Variants in CPEB2 observed in about 807,000 individuals in gnomAD.
CPEB2 encodes the protein cytoplasmic polyadenylation element binding protein 2.
CPEB2 carries 56 observed loss-of-function variants against 93.6 expected under a neutral mutation model. The ratio of observed to expected loss-of-function variants is 0.60; its 90% CI spans 0.48 to 0.75. The LOEUF is 0.75. Ranked by LOEUF, CPEB2 falls within the 30% of genes least tolerant of loss-of-function variation. CPEB2 has a pLI of 0.00. For synonymous variants in CPEB2, 764 were observed against 586.3 expected (o/e 1.30, Z -4.38); for missense variants, 1,579 against 1,395.1 (o/e 1.13, Z -2.10).
intron 4 of CPEB2, among the ~76,000 whole-genome samples, chr4:15,026,419 G>T (rs62409270): frequency 5.9e-5 from 9 of 151,914 alleles, no homozygotes; most frequent in African/African-American, 1.9e-4. Context: ...GTAGAGATGG[G>T]GTTTCACCAT....
intron 6 of CPEB2, among the ~76,000 whole-genome samples, chr4:15,047,746 G>A (rs1727844937): frequency 1.3e-5 from 2 of 151,368 alleles, no homozygotes; most frequent in African/African-American, 4.9e-5. Flanking sequence ...TTGATTTGTT[G>A]TACCTCCAGT....
intron 6 of CPEB2, among the ~76,000 whole-genome samples, chr4:15,049,769 G>A (rs1026031887): frequency 3.3e-5 from 5 of 152,088 alleles, no homozygotes; most frequent in African/African-American, 4.8e-5. Flanking sequence ...TATTTAAACA[G>A]CATTTGAATC....
chr4:15,020,427 A>C (rs1724680410), intron 4 of CPEB2, among the ~76,000 whole-genome samples: 1 of 152,102 alleles, frequency 6.6e-6, no homozygotes, highest in Non-Finnish European at 1.5e-5. Flanking sequence ...AGATCTCTAG[A>C]ATGCTAAGTG....
intron 8 of CPEB2, among the ~76,000 whole-genome samples, chr4:15,056,387 G>T (rs1728716590): frequency 6.6e-6 from 1 of 152,194 alleles, no homozygotes; most frequent in South Asian, 2.1e-4. Flanking sequence ...CACTTACAAG[G>T]ATGGTGTACT....
At chr4:15,034,021 A>T (rs1300679673) in intron 5 of CPEB2, among the ~76,000 whole-genome samples, 1 of 152,252 alleles carries the variant, frequency 6.6e-6, no homozygotes, top group Non-Finnish European at 1.5e-5. Flanking sequence ...GACTGAAAAT[A>T]AGGTACATGT....
intron 6 of CPEB2, among the ~76,000 whole-genome samples, chr4:15,045,396 TATTC>T (rs1195945053): frequency 6.6e-6 from 1 of 152,182 alleles, no homozygotes; most frequent in Non-Finnish European, 1.5e-5. Flanking sequence ...TATATACACA[TATTC>T]ATACATATTA....
intron 4 of CPEB2, among the ~76,000 whole-genome samples, chr4:15,022,645 T>G (rs1024864392): frequency 6.6e-6 from 1 of 152,130 alleles, no homozygotes; most frequent in Non-Finnish European, 1.5e-5. Flanking sequence ...GAAAAAAAAT[T>G]ATTAACTTTT....
At chr4:15,059,693 A>G (rs947473212) in intron 10 of CPEB2, among the ~76,000 whole-genome samples, 7 of 152,104 alleles carry the variant, frequency 4.6e-5, no homozygotes, top group Non-Finnish European at 7.4e-5. Context: ...CTATATTTTA[A>G]TCATTAAAGT....
At chr4:15,049,684 A>G (rs945727624) in intron 6 of CPEB2, among the ~76,000 whole-genome samples, 2 of 152,218 alleles carry the variant, frequency 1.3e-5, no homozygotes, top group Non-Finnish European at 2.9e-5. Context: ...CCTGTTTCTA[A>G]TAACAGCGGT....
chr4:15,003,723 G>T lies in CPEB2; in HGVS notation c.1050G>T (p.Pro350=). 1.5e-6 allele frequency: 2 copies of T among 1,305,782 alleles called. No homozygotes were observed. Among genetic ancestry groups the T allele is most frequent in the Non-Finnish European group, 1.9e-6 (2 of 1,031,084 alleles). 80.9% of individuals were successfully genotyped at this position (1,305,782 alleles called of 1,614,324 possible). Residue 350 remains proline (P), a synonymous_variant, in exon 1 of 12, where the codon CCG becomes CCT. Coordinates refer to ENST00000538197, the MANE Select transcript of CPEB2 (RefSeq NM_001177382.2). ...TGCAGAGCCCGGACCTTCCACACCCGGGCGGCGGCGGCGGCGGCGGGGGCG... is the reference window on the plus strand; with the variant it reads ...TGCAGAGCCCGGACCTTCCACACCCTGGCGGCGGCGGCGGCGGCGGGGGCG... ...SSLQSPDLPH[P]GGGGGGGGGG...
Position 15,003,749 on chromosome 4 carries a change from G to GC in CPEB2, c.1076_1077insC (p.Pro361AlafsTer104). 7.9e-7 allele frequency: 1 copy of GC among 1,271,406 alleles called. No homozygotes were observed. The allele number at this position is 1,271,406 out of a possible 1,614,324, so 78.8% of individuals were successfully genotyped here. ...GGCGGCGGCGGCGGCGGCGGGGGCG[G>GC]GGGGCCCCCAGGAGGCGGAGGGGGA... On this transcript the variant is annotated frameshift_variant, in exon 1 of 12. Transcript: ENST00000538197. LOFTEE classifies it high-confidence loss of function.
intron 3 of CPEB2, among the ~76,000 whole-genome samples, chr4:15,012,905 T>C (rs1577372289): frequency 6.6e-6 from 1 of 152,028 alleles, no homozygotes; most frequent in Admixed American, 6.6e-5. Context: ...ACCACTTCTT[T>C]AAAAATAAAA....
At chr4:15,054,013 T>G (rs1728491298) in intron 7 of CPEB2, 115 bp from the exon 8 acceptor site, 2 of 608,316 alleles carry the variant, frequency 3.3e-6, no homozygotes, top group Non-Finnish European at 5.8e-6. Flanking sequence ...ATATTCTAAT[T>G]TATCTTAAGG....
In CPEB2 at chr4:15,003,955, GGCGGCGGCA is replaced by G. The variant is rs756180685; in HGVS notation, c.1291_1299del (p.Gly432_Ser434del). ...GCCCGGCTCGTCTGCCACCACCCCGGGCGGCGGCAGCGGCGGCTCGCTCAGCGCCATGCC... is the reference window on the plus strand; with the variant it reads ...GCCCGGCTCGTCTGCCACCACCCCGGGCGGCGGCTCGCTCAGCGCCATGCC... On this transcript the variant is annotated inframe_deletion, in exon 1 of 12. Transcript: ENST00000538197. The G allele has an allele frequency of 5.3e-6, 7 of 1,326,182 alleles. No homozygotes were observed. Among genetic ancestry groups the G allele is most frequent in the Admixed American group, 6.5e-5 (2 of 30,650 alleles). The allele number at this position is 1,326,182 out of a possible 1,614,324, so 82.2% of individuals were successfully genotyped here. A position where few individuals can be genotyped will look rare whatever the true frequency, so the allele number is the denominator to read the frequency against.
intron 3 of CPEB2, among the ~76,000 whole-genome samples, chr4:15,013,947 T>C (rs1723805818): frequency 6.6e-6 from 1 of 152,052 alleles, no homozygotes; most frequent in Non-Finnish European, 1.5e-5. Context: ...ACATTCAAGC[T>C]GAAGTTATTA....
Position 15,003,893 on chromosome 4 carries a change from C to G in CPEB2, c.1220C>G (p.Pro407Arg), listed in dbSNP as rs984648134. The part of the protein sequence containing the change: ...PPPTQPQQQP[P>R]PPQQPPQPQP... Reference sequence around the variant, plus strand: ...CCGACCCAGCCGCAGCAGCAGCCGCCGCCACCCCAGCAGCCGCCCCAGCCG... The same window carrying G: ...CCGACCCAGCCGCAGCAGCAGCCGCGGCCACCCCAGCAGCCGCCCCAGCCG... The change falls in exon 1 of 12, where the codon CCG (proline) becomes CGG (arginine). Residue 407 changes from proline (P) to arginine (R), a missense_variant. By Grantham distance (103) the Pro-to-Arg change is moderately radical. This residue lies in a region of CPEB2 where 1,411 missense variants were observed against 1,056.0 expected (regional missense o/e 1.34). Coordinates refer to ENST00000538197, the MANE Select transcript of CPEB2 (RefSeq NM_001177382.2). The G allele has an allele frequency of 1.6e-4, 141 of 884,004 alleles. No individual in the cohort carries two copies. Among genetic ancestry groups the G allele is most frequent in the Non-Finnish European group, 2.0e-4 (138 of 674,106 alleles). 54.8% of individuals were successfully genotyped at this position (884,004 alleles called of 1,614,324 possible).
At chr4:15,035,832 A>C (rs1300200612) in intron 5 of CPEB2, among the ~76,000 whole-genome samples, 2 of 152,224 alleles carry the variant, frequency 1.3e-5, no homozygotes, top group Non-Finnish European at 2.9e-5. Flanking sequence ...ATACACATTA[A>C]AATAAATGCA....
intron 11 of CPEB2, among the ~76,000 whole-genome samples, chr4:15,065,225 C>T (rs539132573): frequency 6.6e-6 from 1 of 151,994 alleles, no homozygotes; most frequent in African/African-American, 2.4e-5. Context: ...CAGTAGAATA[C>T]ATTCAGAATA....
intron 6 of CPEB2, among the ~76,000 whole-genome samples, chr4:15,042,271 A>G (rs1421144648): frequency 6.6e-6 from 1 of 152,220 alleles, no homozygotes; most frequent in Non-Finnish European, 1.5e-5. Context: ...GGAACAAGGT[A>G]TTAGGAAGTA....
Sources: allele counts gnomAD v4.1 joint callset (sites outside exome capture counted in the v4.1 genomes callset), GRCh38; gene constraint gnomAD v4.1.1; regional missense constraint gnomAD v4.1.1; transcripts MANE v1.5; gene names NCBI Gene and HGNC (gene_info 2026-07-23, HGNC 2026-07-21).